LPAR1: variants seen among roughly 807,000 people sequenced by gnomAD.
LPAR1 encodes the protein lysophosphatidic acid receptor 1.
A neutral mutation model predicts 23.8 loss-of-function variants in LPAR1; 5 were observed. The ratio of observed to expected loss-of-function variants is 0.21; its 90% CI spans 0.11 to 0.44. The LOEUF (loss-of-function observed/expected upper bound fraction) is 0.44, where lower values mean the gene tolerates loss of function less well. Ranked by LOEUF, LPAR1 falls within the 20% of genes least tolerant of loss-of-function variation. The probability of loss-of-function intolerance (pLI) is 0.99; values close to 1 mark genes in which losing one functional copy is unlikely to be tolerated. For missense variants in LPAR1, 311 were observed against 482.8 expected (o/e 0.64, Z 3.33); for synonymous variants, 160 against 164.7 (o/e 0.97, Z 0.22).
intron 3 of LPAR1, among the ~76,000 whole-genome samples, chr9:110,973,224 C>T (rs978361509): frequency 3.3e-5 from 5 of 152,098 alleles, no homozygotes; most frequent in Admixed American, 1.3e-4. Context: ...AGTGAAGCTT[C>T]GGATAAAAGT....
chr9:111,034,398 A>G (rs2097854107), intron 2 of LPAR1, among the ~76,000 whole-genome samples: 1 of 151,700 alleles, frequency 6.6e-6, no homozygotes, highest in Non-Finnish European at 1.5e-5. Flanking sequence ...CCTAAACAAA[A>G]AAGAGAGGGG....
intron 4 of LPAR1, among the ~76,000 whole-genome samples, chr9:110,962,445 C>T (rs4623512): frequency 0.39 from 58,807 of 151,954 alleles, 12,321 homozygotes; most frequent in Non-Finnish European, 0.47. Context: ...CCTTCCTATG[C>T]TTGGTGGTGG....
chr9:110,931,644 T>C (rs894896432), intron 5 of LPAR1, among the ~76,000 whole-genome samples: 3 of 131,776 alleles, frequency 2.3e-5, no homozygotes, highest in African/African-American at 8.7e-5. Context: ...CTAGGGTTTT[T>C]ATGGTTTTAG....
At chr9:111,028,857 T>C (rs1388022561) in intron 2 of LPAR1, among the ~76,000 whole-genome samples, 4 of 152,158 alleles carry the variant, frequency 2.6e-5, no homozygotes, top group African/African-American at 9.7e-5. Flanking sequence ...ATTAAAACTA[T>C]ATCTGCAACT....
chr9:111,002,583 A>T (rs1002031644), intron 2 of LPAR1, among the ~76,000 whole-genome samples: 17 of 152,372 alleles, frequency 1.1e-4, no homozygotes, highest in Admixed American at 9.8e-4. Context: ...CCCAGAATGT[A>T]AACTAATAAT....
chr9:111,002,886 C>A (rs867898395), intron 2 of LPAR1, among the ~76,000 whole-genome samples: 2 of 152,152 alleles, frequency 1.3e-5, no homozygotes, highest in African/African-American at 4.8e-5. Context: ...CACTTGTAAT[C>A]CCGGCAGTCT....
intron 5 of LPAR1, among the ~76,000 whole-genome samples, chr9:110,881,674 A>G (rs978940703): frequency 2.0e-5 from 3 of 152,280 alleles, no homozygotes; most frequent in African/African-American, 4.8e-5. Context: ...CCACTTCTCC[A>G]CTGCTACCAT....
chr9:110,883,535 T>C (rs1470470512), intron 5 of LPAR1, among the ~76,000 whole-genome samples: 2 of 152,038 alleles, frequency 1.3e-5, no homozygotes, highest in Admixed American at 1.3e-4. Flanking sequence ...AGCAAGGAAA[T>C]GCACACACGT....
chr9:111,032,057 G>C (rs1166019821), intron 2 of LPAR1, among the ~76,000 whole-genome samples: 2 of 152,216 alleles, frequency 1.3e-5, no homozygotes, highest in Non-Finnish European at 2.9e-5. Context: ...TATCTTCCCA[G>C]TACAGGGTGG....
At chr9:111,027,893 A>C (rs943727471) in intron 2 of LPAR1, among the ~76,000 whole-genome samples, 3 of 149,096 alleles carry the variant, frequency 2.0e-5, no homozygotes, top group Admixed American at 2.0e-4. Flanking sequence ...CTCAAAAAAA[A>C]AAAAAAAAAA....
At chr9:110,894,915 G>A (rs531302053) in intron 5 of LPAR1, among the ~76,000 whole-genome samples, 5 of 152,154 alleles carry the variant, frequency 3.3e-5, no homozygotes, top group Non-Finnish European at 5.9e-5. Context: ...CGACATGGGA[G>A]GCCGAGGTGG....
intron 4 of LPAR1, among the ~76,000 whole-genome samples, chr9:110,970,875 C>T (rs139792993): frequency 0.013 from 1,986 of 152,296 alleles, 23 homozygotes; most frequent in Non-Finnish European, 0.022. Flanking sequence ...GTGGCTCAGG[C>T]TTGTAATCCC....
At chr9:110,922,498 G>A (rs2093697483) in intron 5 of LPAR1, among the ~76,000 whole-genome samples, 1 of 152,116 alleles carries the variant, frequency 6.6e-6, no homozygotes, top group Non-Finnish European at 1.5e-5. Context: ...ACATACCTTA[G>A]TAAATATGAA....
chr9:110,923,563 T>C (rs1398650778), intron 5 of LPAR1, among the ~76,000 whole-genome samples: 1 of 152,254 alleles, frequency 6.6e-6, no homozygotes, highest in Non-Finnish European at 1.5e-5. Context: ...TCCAAGGTTA[T>C]GTGTATTAAA....
In LPAR1 at chr9:110,880,932, T is replaced by C. The variant is rs2080592431; in HGVS notation, c.794-5210A>G. On this transcript the variant is annotated intron_variant, in intron 5 of 5. Coordinates refer to ENST00000683809, the MANE Select transcript of LPAR1 (RefSeq NM_001351411.2). ...TTAGCTAGGAAATCCTTCAATGCTATGTATCTTAACAGAGCCTATGTCAGA... is the reference window on the plus strand; with the variant it reads ...TTAGCTAGGAAATCCTTCAATGCTACGTATCTTAACAGAGCCTATGTCAGA... 1.3e-5 allele frequency among the ~76,000 whole-genome samples: 2 copies of C among 152,216 alleles called. 1 individual carries two copies. The highest frequency in any genetic ancestry group is 4.1e-4 in the South Asian group (2 of 4,830).
chr9:110,895,049 T>C (rs1267343683), intron 5 of LPAR1, among the ~76,000 whole-genome samples: 1 of 152,110 alleles, frequency 6.6e-6, no homozygotes, highest in African/African-American at 2.4e-5. Context: ...AAATGAATAT[T>C]TGCTTTTAAT....
At chr9:110,973,679 T>C (rs1439635328) in intron 2 of LPAR1, 121 bp from the exon 3 acceptor site, 2 of 152,172 alleles carry the variant, frequency 1.3e-5, no homozygotes, top group Non-Finnish European at 2.9e-5. Flanking sequence ...CTCAGAAAGA[T>C]GCTAACTTCC....
intron 2 of LPAR1, among the ~76,000 whole-genome samples, chr9:110,982,798 C>T (rs987356076): frequency 6.6e-6 from 1 of 150,694 alleles, no homozygotes; most frequent in African/African-American, 2.4e-5. Context: ...AACAAACCAA[C>T]AAACAACTTA....
chr9:110,901,761 G>C (rs1051066163), intron 5 of LPAR1, among the ~76,000 whole-genome samples: 3 of 152,170 alleles, frequency 2.0e-5, no homozygotes, highest in Non-Finnish European at 4.4e-5. Context: ...AGGGGGAAGA[G>C]AGAGGGCAGG....
Sources: gnomAD v4.1 joint callset for allele counts (sites outside exome capture counted in the v4.1 genomes callset) on GRCh38, gnomAD v4.1.1 for gene constraint, MANE v1.5 for transcripts, NCBI Gene and HGNC (gene_info 2026-07-23, HGNC 2026-07-21) for gene names.